MCTP1: variants seen among roughly 807,000 people sequenced by gnomAD.
MCTP1 encodes the protein multiple C2 and transmembrane domain containing 1.
Under a neutral mutation model 120.6 loss-of-function variants are expected in MCTP1, and 69 were observed. That is an observed-to-expected ratio of 0.57 (90% CI 0.47 to 0.70). MCTP1 has a LOEUF of 0.70. Among genes scored for constraint, MCTP1 ranks in the 30% least tolerant of loss-of-function variants. The probability of loss-of-function intolerance (pLI) is 0.00; values close to 1 mark genes in which losing one functional copy is unlikely to be tolerated. For missense variants in MCTP1, 1,203 were observed against 1,248.8 expected (o/e 0.96, Z 0.55); for synonymous variants, 529 against 493.1 (o/e 1.07, Z -0.96).
intron 1 of MCTP1, among the ~76,000 whole-genome samples, chr5:95,189,020 A>G (rs1749545507): frequency 6.6e-6 from 1 of 152,160 alleles, no homozygotes; most frequent in Non-Finnish European, 1.5e-5. Flanking sequence ...AGGTGTATTA[A>G]AGCAAAAAGA....
intron 12 of MCTP1, among the ~76,000 whole-genome samples, chr5:94,878,259 T>G (rs985358814): frequency 1.3e-5 from 2 of 152,128 alleles, no homozygotes; most frequent in Non-Finnish European, 2.9e-5. Flanking sequence ...ACATCTTCCA[T>G]CCTCCTTTTA....
intron 17 of MCTP1, among the ~76,000 whole-genome samples, chr5:94,847,758 GT>G (rs1393177708): frequency 2.0e-5 from 3 of 150,270 alleles, no homozygotes; most frequent in Non-Finnish European, 4.4e-5. Context: ...ACCAAATCAA[GT>G]TCATCACCCC....
chr5:95,001,458 C>G (rs1218122442), intron 2 of MCTP1, among the ~76,000 whole-genome samples: 1 of 152,092 alleles, frequency 6.6e-6, no homozygotes, highest in Non-Finnish European at 1.5e-5. Context: ...GATGAGGAAA[C>G]CTTTGGAACT....
chr5:94,832,249 G>T (rs369438930), intron 17 of MCTP1, among the ~76,000 whole-genome samples: 1 of 129,726 alleles, frequency 7.7e-6, no homozygotes, highest in Non-Finnish European at 1.7e-5. Flanking sequence ...ATAAGCCATT[G>T]TTCTAAACTA....
At chr5:94,987,182 A>G (rs1187165489) in intron 2 of MCTP1, among the ~76,000 whole-genome samples, 1 of 152,160 alleles carries the variant, frequency 6.6e-6, no homozygotes, top group African/African-American at 2.4e-5. Flanking sequence ...TGCTTACTAT[A>G]GGCTAGGCAT....
intron 17 of MCTP1, among the ~76,000 whole-genome samples, chr5:94,852,629 C>T (rs1396742223): frequency 6.6e-6 from 1 of 151,894 alleles, no homozygotes; most frequent in Non-Finnish European, 1.5e-5. Context: ...ATGCTCATAG[C>T]AAGGTATTGG....
chr5:94,711,212 ATCTTTATTTTTCT>A lies in MCTP1; in HGVS notation c.2721-298_2721-286del, dbSNP rs1457538547. ...TGGGTGACTCCCCACATGAAAGAAG[ATCTTTATTTTTCT>A]TCTTTATTTTTCTACTGCTAAGACT... On this transcript the variant is annotated intron_variant, in intron 20 of 22. Transcript: ENST00000515393. Among the ~76,000 whole-genome samples the A allele has an allele frequency of 5.3e-5, 8 of 152,128 alleles. No individual in the cohort carries two copies. In the South Asian group the frequency reaches 8.3e-4, roughly 16 times the overall value.
intron 1 of MCTP1, among the ~76,000 whole-genome samples, chr5:95,194,405 G>A (rs555491773): frequency 2.2e-4 from 33 of 152,228 alleles, no homozygotes; most frequent in African/African-American, 6.7e-4. Context: ...CATGGTGAAC[G>A]GGAAACTGAA....
intron 1 of MCTP1, among the ~76,000 whole-genome samples, chr5:95,232,182 C>T (rs563625493): frequency 7.8e-6 from 1 of 127,672 alleles, no homozygotes; most frequent in African/African-American, 2.9e-5. Flanking sequence ...AAAAAACAGT[C>T]ATAGCTAATA....
intron 1 of MCTP1, among the ~76,000 whole-genome samples, chr5:95,250,512 G>A (rs1757280700): frequency 6.6e-6 from 1 of 152,134 alleles, no homozygotes; most frequent in South Asian, 2.1e-4. Flanking sequence ...CGGTTTTTAT[G>A]TTTAGTATAA....
At chr5:94,852,939 C>T (rs964466251) in intron 17 of MCTP1, among the ~76,000 whole-genome samples, 6 of 151,946 alleles carry the variant, frequency 3.9e-5, no homozygotes, top group African/African-American at 1.4e-4. Flanking sequence ...TGGCATTGTT[C>T]ACTATTTTCA....
chr5:94,798,161 T>C (rs1780470180), intron 18 of MCTP1, among the ~76,000 whole-genome samples: 1 of 151,954 alleles, frequency 6.6e-6, no homozygotes, highest in Non-Finnish European at 1.5e-5. Flanking sequence ...TTTGCCAACC[T>C]TTAAATTCTT....
intron 1 of MCTP1, among the ~76,000 whole-genome samples, chr5:95,075,569 G>A (rs1424384861): frequency 6.6e-6 from 1 of 152,072 alleles, no homozygotes; most frequent in Non-Finnish European, 1.5e-5. Flanking sequence ...ATAGTTTTCA[G>A]TCCTTAATTT....
chr5:94,714,390 A>G (rs1758317593), intron 20 of MCTP1, among the ~76,000 whole-genome samples: 1 of 152,128 alleles, frequency 6.6e-6, no homozygotes, highest in East Asian at 1.9e-4. Flanking sequence ...ATATAACTAG[A>G]CCAATAGTAA....
chr5:94,917,906 T>C lies in MCTP1; in HGVS notation c.1340A>G (p.Lys447Arg). 1 of 1,613,640 alleles carries C rather than the reference T, an allele frequency of 6.2e-7. No individual in the cohort carries two copies. Reference sequence around the variant, plus strand: ...AATGGTTGAACTTACTTGTACATTTTTGCAATAAGGATTCTGAAGCTCTGC... The same window carrying C: ...AATGGTTGAACTTACTTGTACATTTCTGCAATAAGGATTCTGAAGCTCTGC... The part of the protein sequence containing the change: ...CRAELQNPYC[K>R]NVQFQTQSLR... The change falls in exon 8 of 23, where the codon AAA becomes AGA. Residue 447 changes from lysine (K) to arginine (R), a missense_variant. Lys to Arg is a conservative substitution (Grantham distance 26). This residue lies in a region of MCTP1 where 740 missense variants were observed against 871.1 expected (regional missense o/e 0.85). Coordinates refer to ENST00000515393, the MANE Select transcript of MCTP1 (RefSeq NM_024717.7).
At chr5:94,954,194 A>ATG (rs1348202563) in intron 2 of MCTP1, among the ~76,000 whole-genome samples, 2 of 134,436 alleles carry the variant, frequency 1.5e-5, no homozygotes, top group Admixed American at 1.6e-4. Flanking sequence ...ATATATATAT[A>ATG]TATATATATA....
chr5:95,231,268 A>G (rs1214063910), intron 1 of MCTP1, among the ~76,000 whole-genome samples: 1 of 152,200 alleles, frequency 6.6e-6, no homozygotes, highest in African/African-American at 2.4e-5. Context: ...CATGAATATT[A>G]TGTATAACAC....
intron 19 of MCTP1, among the ~76,000 whole-genome samples, chr5:94,747,861 C>A (rs1767287116): frequency 6.6e-6 from 1 of 152,152 alleles, no homozygotes; most frequent in Non-Finnish European, 1.5e-5. Flanking sequence ...GAGGCCAAGA[C>A]AGGTGGATCA....
Position 94,834,979 on chromosome 5 carries a change from C to T in MCTP1, c.2436+33354G>A, listed in dbSNP as rs150064804. ...CTAGGATTACAAGTGTGTGCCACCA[C>T]GCCCAGCTAGTTTTGTATTTTTAGT... is the stretch of plus-strand genomic sequence containing the variant. On this transcript the variant is annotated intron_variant, in intron 17 of 22. Transcript: ENST00000515393. 2.3e-3 allele frequency among the ~76,000 whole-genome samples: 350 copies of T among 152,090 alleles called. 2 individuals carry two copies. Among genetic ancestry groups the T allele is most frequent in the African/African-American group, 7.6e-3 (317 of 41,456 alleles).
Sources: gnomAD v4.1 joint callset for allele counts (sites outside exome capture counted in the v4.1 genomes callset) on GRCh38, gnomAD v4.1.1 for gene constraint, gnomAD v4.1.1 regional missense constraint, MANE v1.5 for transcripts, NCBI Gene and HGNC (gene_info 2026-07-23, HGNC 2026-07-21) for gene names.